ANKS1B: variants seen among roughly 807,000 people sequenced by gnomAD.
ANKS1B encodes the protein ankyrin repeat and sterile alpha motif domain containing 1B.
A neutral mutation model predicts 148.3 loss-of-function variants in ANKS1B; 36 were observed. The ratio of observed to expected loss-of-function variants is 0.24; its 90% CI spans 0.19 to 0.32. ANKS1B has a LOEUF of 0.32. Ranked by LOEUF, ANKS1B falls within the 10% of genes least tolerant of loss-of-function variation. The pLI, the probability that ANKS1B is intolerant of heterozygous loss-of-function variation, is 1.00. For synonymous variants in ANKS1B, 542 were observed against 560.8 expected (o/e 0.97, Z 0.47); for missense variants, 1,157 against 1,542.6 (o/e 0.75, Z 4.19).
intron 14 of ANKS1B, among the ~76,000 whole-genome samples, chr12:99,240,243 A>T (rs553308176): frequency 6.6e-6 from 1 of 152,230 alleles, no homozygotes; most frequent in Non-Finnish European, 1.5e-5. Context: ...TGGAAAACAA[A>T]AAAAAGCACG....
At chr12:99,692,187 G>T (rs1157720222) in intron 8 of ANKS1B, among the ~76,000 whole-genome samples, 1 of 152,156 alleles carries the variant, frequency 6.6e-6, no homozygotes, top group African/African-American at 2.4e-5. Context: ...TGGATGCTGT[G>T]AGTAAAATGG....
chr12:99,323,556 T>C (rs1397664582), intron 12 of ANKS1B, among the ~76,000 whole-genome samples: 1 of 152,232 alleles, frequency 6.6e-6, no homozygotes, highest in African/African-American at 2.4e-5. Context: ...CTTACTTTCA[T>C]GTCTTATTTA....
At chr12:99,077,305 T>G (rs887534129) in intron 16 of ANKS1B, among the ~76,000 whole-genome samples, 1 of 152,106 alleles carries the variant, frequency 6.6e-6, no homozygotes, top group Non-Finnish European at 1.5e-5. Context: ...CACTGGGTGG[T>G]AGGCCAACAC....
At chr12:99,060,039 C>T (rs1204201945) in intron 16 of ANKS1B, among the ~76,000 whole-genome samples, 1 of 151,952 alleles carries the variant, frequency 6.6e-6, no homozygotes, top group East Asian at 1.9e-4. Flanking sequence ...ATCTGAGAGG[C>T]AGAGTGGTGA....
At chr12:99,124,418 A>ATGTGTGTGTGTGTGTGTG (rs71081900) in intron 15 of ANKS1B, among the ~76,000 whole-genome samples, 5 of 149,860 alleles carry the variant, frequency 3.3e-5, no homozygotes, top group African/African-American at 1.2e-4. Flanking sequence ...ATTTGTGTGC[A>ATGTGTGTGTGTGTGTGTG]TGTGTGTGTG....
At chr12:99,258,600 T>C (rs1490853324) in intron 12 of ANKS1B, among the ~76,000 whole-genome samples, 2 of 133,206 alleles carry the variant, frequency 1.5e-5, no homozygotes, top group Non-Finnish European at 3.1e-5. Flanking sequence ...GGGAGAAATA[T>C]TATCCACTTG....
chr12:99,146,090 A>G (rs1217500019), intron 15 of ANKS1B, among the ~76,000 whole-genome samples: 1 of 152,116 alleles, frequency 6.6e-6, no homozygotes, highest in East Asian at 1.9e-4. Flanking sequence ...TGAGAATTAT[A>G]TGGGATAATT....
intron 12 of ANKS1B, among the ~76,000 whole-genome samples, chr12:99,282,567 C>T (rs185397400): frequency 6.6e-6 from 1 of 152,222 alleles, no homozygotes; most frequent in Non-Finnish European, 1.5e-5. Context: ...CTAATCCAGG[C>T]AGGAAAAGAC....
intron 26 of ANKS1B, among the ~76,000 whole-genome samples, chr12:98,748,071 T>C (rs2097943289): frequency 6.6e-6 from 1 of 152,236 alleles, no homozygotes; most frequent in Non-Finnish European, 1.5e-5. Context: ...CAACAATTTA[T>C]TGTATATTTC....
intron 17 of ANKS1B, among the ~76,000 whole-genome samples, chr12:98,930,257 G>T (rs1271091103): frequency 6.6e-6 from 1 of 152,068 alleles, no homozygotes; most frequent in Non-Finnish European, 1.5e-5. Context: ...TTCCTACTAA[G>T]ATGGCTAAAA....
chr12:99,565,282 T>C (rs2097377026), intron 9 of ANKS1B, among the ~76,000 whole-genome samples: 1 of 152,058 alleles, frequency 6.6e-6, no homozygotes, highest in Non-Finnish European at 1.5e-5. Context: ...TCAACTAAAT[T>C]AGGTGGGGAT....
intron 10 of ANKS1B, among the ~76,000 whole-genome samples, chr12:99,473,549 T>C (rs2096273540): frequency 6.6e-6 from 1 of 152,050 alleles, no homozygotes; most frequent in African/African-American, 2.4e-5. Flanking sequence ...TACCAATTTA[T>C]AGTCCTATGA....
At chr12:98,872,699 G>C (rs1312106186) in intron 17 of ANKS1B, among the ~76,000 whole-genome samples, 5 of 152,274 alleles carry the variant, frequency 3.3e-5, no homozygotes, top group Non-Finnish European at 7.3e-5. Flanking sequence ...GCTAAGGAGA[G>C]AGGTCTCAGA....
chr12:98,960,036 C>T (rs538990793), intron 17 of ANKS1B, among the ~76,000 whole-genome samples: 75 of 152,312 alleles, frequency 4.9e-4, no homozygotes, highest in African/African-American at 1.6e-3. Flanking sequence ...CCTCTGGACC[C>T]ACCCAGGGTT....
intron 8 of ANKS1B, among the ~76,000 whole-genome samples, chr12:99,696,672 ATT>A (rs1161109010): frequency 1.3e-5 from 2 of 152,252 alleles, no homozygotes; most frequent in East Asian, 3.9e-4. Flanking sequence ...TGGCAATAAC[ATT>A]TTAGGTGCAA....
chr12:99,164,750 T>C (rs576037257), intron 14 of ANKS1B, among the ~76,000 whole-genome samples: 109 of 152,190 alleles, frequency 7.2e-4, no homozygotes, highest in African/African-American at 2.4e-3. Context: ...TCCCAACCAG[T>C]TCCTAGGTTT....
chr12:98,942,371 G>A (rs1184925122), intron 17 of ANKS1B, among the ~76,000 whole-genome samples: 1 of 152,132 alleles, frequency 6.6e-6, no homozygotes, highest in African/African-American at 2.4e-5. Flanking sequence ...TTTGAGCCAG[G>A]GCTTCAAGCT....
intron 2 of ANKS1B, among the ~76,000 whole-genome samples, chr12:99,813,752 A>G (rs1452586177): frequency 1.3e-5 from 2 of 151,894 alleles, no homozygotes; most frequent in Non-Finnish European, 3.0e-5. Flanking sequence ...GTCTAATGAT[A>G]TAATTTCTGA....
intron 12 of ANKS1B, among the ~76,000 whole-genome samples, chr12:99,289,591 G>C (rs1358103572): frequency 2.0e-5 from 3 of 151,892 alleles, no homozygotes; most frequent in Non-Finnish European, 4.4e-5. Context: ...ACAATGGAAT[G>C]AAACTAGAAA....
Sources: allele counts gnomAD v4.1 joint callset (sites outside exome capture counted in the v4.1 genomes callset), GRCh38; gene constraint gnomAD v4.1.1; transcripts MANE v1.5; gene names NCBI Gene and HGNC (gene_info 2026-07-23, HGNC 2026-07-21).